GALNT13: variants seen among roughly 807,000 people sequenced by gnomAD.
GALNT13 encodes the protein polypeptide N-acetylgalactosaminyltransferase 13.
A neutral mutation model predicts 64.2 loss-of-function variants in GALNT13; 28 were observed. That is an observed-to-expected ratio of 0.44 (90% CI 0.32 to 0.60). The LOEUF (loss-of-function observed/expected upper bound fraction) is 0.60, where lower values mean the gene tolerates loss of function less well. GALNT13 is among the 20% of genes least tolerant of loss of function. The pLI is 0.05. For missense variants in GALNT13, 577 were observed against 669.8 expected (o/e 0.86, Z 1.53); for synonymous variants, 214 against 224.6 (o/e 0.95, Z 0.42).
At chr2:153,739,447 C>T in the GALNT13 span, among the ~76,000 whole-genome samples, 352 of 150,912 alleles carry the variant, frequency 2.3e-3, no homozygotes, top group Non-Finnish European at 3.5e-3. Context: ...TTTGAAGATG[C>T]AGCTAGTTAT....
chr2:153,819,961 A>G, the GALNT13 span, among the ~76,000 whole-genome samples: 1 of 152,238 alleles, frequency 6.6e-6, no homozygotes, highest in East Asian at 1.9e-4. Context: ...ATGGATTGGA[A>G]GAAAGCCCAA....
At chr2:154,325,387 C>T (rs538851740) in intron 9 of GALNT13, among the ~76,000 whole-genome samples, 62 of 152,144 alleles carry the variant, frequency 4.1e-4, no homozygotes, top group South Asian at 2.3e-3. Context: ...GGAACTAGAT[C>T]GGGTTCCTCC....
At chr2:154,336,222 AT>A (rs1346690512) in intron 9 of GALNT13, among the ~76,000 whole-genome samples, 1 of 152,062 alleles carries the variant, frequency 6.6e-6, no homozygotes. Context: ...CAAATGGTTA[AT>A]GGTAGAGATA....
chr2:153,950,330 G>C (rs1236110233), intron 3 of GALNT13, among the ~76,000 whole-genome samples: 3 of 152,022 alleles, frequency 2.0e-5, no homozygotes, highest in African/African-American at 7.2e-5. Context: ...CATAGAAAAT[G>C]AAACACATAT....
chr2:154,230,813 T>G (rs16836268), intron 4 of GALNT13, among the ~76,000 whole-genome samples: 3,535 of 152,190 alleles, frequency 0.023, 121 homozygotes, highest in African/African-American at 0.073. Context: ...TCTGGTAGAC[T>G]TAAGTGTTTT....
intron 2 of GALNT13, among the ~76,000 whole-genome samples, chr2:153,918,341 G>A (rs1355625212): frequency 6.6e-6 from 1 of 152,062 alleles, no homozygotes; most frequent in Non-Finnish European, 1.5e-5. Flanking sequence ...ATCAAACAGG[G>A]TGAGAATTTG....
chr2:153,213,510 T>A, the GALNT13 span, among the ~76,000 whole-genome samples: 2 of 152,152 alleles, frequency 1.3e-5, no homozygotes, highest in East Asian at 3.9e-4. Flanking sequence ...AGAAATACCA[T>A]GAAGAATTGT....
At chr2:153,372,677 G>A in the GALNT13 span, among the ~76,000 whole-genome samples, 2 of 151,592 alleles carry the variant, frequency 1.3e-5, no homozygotes, top group South Asian at 4.2e-4. Context: ...AAAGAAAGCA[G>A]AAGAAACCTG....
At chr2:153,863,852 A>G in the GALNT13 span, among the ~76,000 whole-genome samples, 1 of 152,204 alleles carries the variant, frequency 6.6e-6, no homozygotes, top group African/African-American at 2.4e-5. Flanking sequence ...AGGTATGACC[A>G]TATGGTATAT....
intron 9 of GALNT13, among the ~76,000 whole-genome samples, chr2:154,343,108 T>C (rs561893017): frequency 6.6e-6 from 1 of 152,136 alleles, no homozygotes; most frequent in East Asian, 1.9e-4. Flanking sequence ...GGATCTCTTT[T>C]ACTTTACCAC....
the GALNT13 span, among the ~76,000 whole-genome samples, chr2:153,791,314 C>T: frequency 7.2e-5 from 11 of 152,070 alleles, no homozygotes; most frequent in African/African-American, 2.7e-4. Flanking sequence ...AAATTGAAAC[C>T]ATAATGTGAT....
At chr2:154,328,593 G>A (rs948449827) in intron 9 of GALNT13, among the ~76,000 whole-genome samples, 2 of 152,026 alleles carry the variant, frequency 1.3e-5, no homozygotes, top group African/African-American at 4.8e-5. Flanking sequence ...AGCATCACCT[G>A]GATCTTGTTA....
At position 154,450,409 on chromosome 2, in the gene GALNT13, A is replaced by C; in HGVS notation, c.1531-2A>C. 1 of 1,607,158 alleles carries C rather than the reference A, an allele frequency of 6.2e-7. No homozygotes were observed. Among genetic ancestry groups the C allele is most frequent in the Non-Finnish European group, 8.5e-7 (1 of 1,177,186 alleles). On this transcript the variant is annotated splice_acceptor_variant, in intron 12 of 12. Coordinates refer to ENST00000392825, the MANE Select transcript of GALNT13 (RefSeq NM_052917.4). LOFTEE classifies it high-confidence loss of function. ...GCACTGATTATTGGTTATCTTTTAC[A>C]GAGACTCACGTTGCGACATGTTAAC...
chr2:154,082,484 G>A (rs989248322), intron 3 of GALNT13, among the ~76,000 whole-genome samples: 5 of 151,506 alleles, frequency 3.3e-5, no homozygotes, highest in Non-Finnish European at 7.4e-5. Context: ...TGTGCTTTGG[G>A]CATACCTTAT....
intron 3 of GALNT13, among the ~76,000 whole-genome samples, chr2:153,956,857 C>T (rs921223326): frequency 6.6e-6 from 1 of 152,126 alleles, no homozygotes; most frequent in Non-Finnish European, 1.5e-5. Context: ...CCACATAATA[C>T]GCTCACTATT....
chr2:154,303,879 T>C (rs1574055543), intron 9 of GALNT13, among the ~76,000 whole-genome samples: 3 of 151,882 alleles, frequency 2.0e-5, no homozygotes, highest in African/African-American at 2.4e-5. Context: ...TGCCTCAGCC[T>C]CTCCAGTAGC....
chr2:153,879,979 CAAG>C (rs1686671451), intron 1 of GALNT13, among the ~76,000 whole-genome samples: 1 of 151,970 alleles, frequency 6.6e-6, no homozygotes, highest in African/African-American at 2.4e-5. Context: ...ATGTTGCAGA[CAAG>C]AATATTTTTA....
chr2:153,467,245 G>A, the GALNT13 span, among the ~76,000 whole-genome samples: 1 of 151,964 alleles, frequency 6.6e-6, no homozygotes, highest in East Asian at 1.9e-4. Context: ...TGGACAAGTT[G>A]AGGCTCATTT....
At chr2:153,477,586 C>G in the GALNT13 span, 1 of 137,358 alleles carries the variant, frequency 7.3e-6, no homozygotes, top group East Asian at 2.6e-4. Context: ...TCCCCCCACC[C>G]CTTCTCCCAC....
Sources: allele counts gnomAD v4.1 joint callset (sites outside exome capture counted in the v4.1 genomes callset), GRCh38; gene constraint gnomAD v4.1.1; transcripts MANE v1.5; gene names NCBI Gene and HGNC (gene_info 2026-07-23, HGNC 2026-07-21).